PEAK1: variants seen among roughly 807,000 people sequenced by gnomAD.
PEAK1 encodes inactive tyrosine-protein kinase PEAK1.
A neutral mutation model predicts 124.7 loss-of-function variants in PEAK1; 54 were observed. The observed-to-expected ratio is 0.43, with a 90% CI of 0.35 to 0.54. The LOEUF is 0.54. Ranked by LOEUF, PEAK1 falls within the 20% of genes least tolerant of loss-of-function variation. PEAK1 has a pLI of 0.01. For missense variants in PEAK1, 2,046 were observed against 2,134.5 expected (o/e 0.96, Z 0.82); for synonymous variants, 719 against 760.0 (o/e 0.95, Z 0.89).
Position 77,348,093 on chromosome 15 carries a change from A to G in PEAK1, c.-603+17070T>C, listed in dbSNP as rs571843919. 2.3e-5 allele frequency: 23 copies of G among 985,188 alleles called. No homozygotes were observed. In the African/African-American group the frequency reaches 4.0e-4, roughly 17 times the overall value. 61.0% of individuals were successfully genotyped at this position (985,188 alleles called of 1,614,324 possible). A position where few individuals can be genotyped will look rare whatever the true frequency, so the allele number is the denominator to read the frequency against. ...CATTTTGGTCAGACATTATTCATCT[A>G]GAGAAAAAAAGAAAGAAACAACAAT... On this transcript the variant is annotated intron_variant, in intron 2 of 9. Transcript: ENST00000682557.
At chr15:77,264,734 CACAG>C (rs2061625055) in intron 5 of PEAK1, among the ~76,000 whole-genome samples, 4 of 151,996 alleles carry the variant, frequency 2.6e-5, no homozygotes, top group Admixed American at 2.6e-4. Context: ...TGACTTTCTT[CACAG>C]AATTGGAAAA....
intron 1 of PEAK1, among the ~76,000 whole-genome samples, chr15:77,407,865 C>T (rs1053648142): frequency 6.7e-6 from 1 of 150,020 alleles, no homozygotes; most frequent in Non-Finnish European, 1.5e-5. Context: ...GCTCAAATGC[C>T]CGAGTAGATA....
intron 2 of PEAK1, among the ~76,000 whole-genome samples, chr15:77,357,942 T>C (rs1468219112): frequency 6.6e-6 from 1 of 152,186 alleles, no homozygotes; most frequent in Non-Finnish European, 1.5e-5. Context: ...CTCAGTCCTG[T>C]TGCCTTTTCC....
At chr15:77,373,209 C>A (rs1188808761) in intron 1 of PEAK1, among the ~76,000 whole-genome samples, 1 of 152,090 alleles carries the variant, frequency 6.6e-6, no homozygotes, top group Non-Finnish European at 1.5e-5. Context: ...CTCTTATGCC[C>A]CTATGCCTTT....
intron 2 of PEAK1, chr15:77,333,416 T>C (rs1308506764): frequency 4.1e-6 from 4 of 970,740 alleles, no homozygotes; most frequent in South Asian, 4.8e-5. Flanking sequence ...AGTCTGGGTA[T>C]TTTTTCTTCT....
intron 7 of PEAK1, among the ~76,000 whole-genome samples, chr15:77,162,757 A>G (rs2055771562): frequency 6.6e-6 from 1 of 152,188 alleles, no homozygotes; most frequent in African/African-American, 2.4e-5. Context: ...GATGGCATCA[A>G]GAAAGAGTTA....
At chr15:77,418,297 G>A (rs1022290358) in intron 1 of PEAK1, 2 of 985,086 alleles carry the variant, frequency 2.0e-6, no homozygotes, top group Admixed American at 6.2e-5. Context: ...GGGTAGTGAG[G>A]GAAAAGAAGG....
intron 2 of PEAK1, among the ~76,000 whole-genome samples, chr15:77,288,943 AAAAG>A (rs1429249479): frequency 6.6e-6 from 1 of 152,106 alleles, no homozygotes. Context: ...AAAAAAAAAA[AAAAG>A]TATTCGAATG....
At position 77,180,733 on chromosome 15, in the gene PEAK1, ATCTTTATC is replaced by A. The variant is rs1231479358; in HGVS notation, c.1186_1193del (p.Asp396PhefsTer35). 6.2e-7 allele frequency: 1 copy of A among 1,614,002 alleles called. No homozygotes were observed. The stretch of plus-strand genomic sequence containing the variant: ...TTGAGCTTTTGGAAGCCTGTGATGA[ATCTTTATC>A]CTGATTATTACTAGAGGGACTTTCA... On this transcript the variant is annotated frameshift_variant, in exon 7 of 10. Transcript: ENST00000682557. LOFTEE classifies it high-confidence loss of function.
At chr15:77,263,840 T>C (rs546210122) in intron 5 of PEAK1, among the ~76,000 whole-genome samples, 1 of 152,218 alleles carries the variant, frequency 6.6e-6, no homozygotes, top group Admixed American at 6.5e-5. Flanking sequence ...CTGATGAACA[T>C]CGATGCAAAA....
At chr15:77,384,570 T>A (rs904697337) in intron 1 of PEAK1, among the ~76,000 whole-genome samples, 6 of 152,228 alleles carry the variant, frequency 3.9e-5, no homozygotes, top group Non-Finnish European at 7.3e-5. Context: ...AGCAAAATTA[T>A]GCCATTTTGG....
intron 6 of PEAK1, among the ~76,000 whole-genome samples, chr15:77,182,717 T>G (rs1476511775): frequency 1.6e-5 from 2 of 125,734 alleles, no homozygotes; most frequent in South Asian, 2.5e-4. Flanking sequence ...GCCACAGTAC[T>G]TCAGCCTGGG....
At chr15:77,337,016 T>C (rs1030474619) in intron 2 of PEAK1, 29 of 629,768 alleles carry the variant, frequency 4.6e-5, no homozygotes, top group Non-Finnish European at 5.5e-5. Flanking sequence ...TCCAAAGACA[T>C]AAATTAACTA....
chr15:77,309,402 T>A (rs2064299496), intron 2 of PEAK1, among the ~76,000 whole-genome samples: 1 of 152,038 alleles, frequency 6.6e-6, no homozygotes, highest in Non-Finnish European at 1.5e-5. Flanking sequence ...AGTTTTATAA[T>A]TAATGACAGA....
intron 5 of PEAK1, among the ~76,000 whole-genome samples, chr15:77,272,133 C>T (rs1398594398): frequency 6.6e-6 from 1 of 152,082 alleles, no homozygotes; most frequent in Non-Finnish European, 1.5e-5. Context: ...ACAGGAAATT[C>T]ATAGCATTAA....
intron 6 of PEAK1, among the ~76,000 whole-genome samples, chr15:77,247,997 T>C (rs1567163663): frequency 6.6e-6 from 1 of 152,232 alleles, no homozygotes; most frequent in South Asian, 2.1e-4. Flanking sequence ...TGTTAAATCT[T>C]CTTTTATTTC....
In PEAK1 at chr15:77,114,301, C is replaced by T. The variant is rs770347223; in HGVS notation, c.5096G>A (p.Arg1699Gln). Residue 1699 changes from arginine to glutamine, a missense_variant, in exon 10 of 10, where the codon CGA becomes CAA. Transcript: ENST00000682557. ...AGCAAACTTGATCATGAGCAGTGTT[C>T]GCTTGATGTCTAGCCAGTTTTGGAG... ...TLLQNWLDIKRTLLMIKFAEK... is the reference protein window; with the variant it reads ...TLLQNWLDIKQTLLMIKFAEK... 1.3e-5 allele frequency: 21 copies of T among 1,614,208 alleles called. No individual in the cohort carries two copies. The Middle Eastern group carries it at 6.6e-4, about 51-fold the overall frequency.
intron 6 of PEAK1, among the ~76,000 whole-genome samples, chr15:77,234,030 T>C (rs761667215): frequency 1.3e-5 from 2 of 152,142 alleles, no homozygotes; most frequent in Non-Finnish European, 2.9e-5. Flanking sequence ...TGTACCTGGC[T>C]AATTTTTAAA....
intron 1 of PEAK1, among the ~76,000 whole-genome samples, chr15:77,396,648 T>G (rs1185744935): frequency 6.6e-6 from 1 of 151,972 alleles, no homozygotes; most frequent in African/African-American, 2.4e-5. Context: ...TGAGACAAAA[T>G]AGATTTCAAG....
Sources: gnomAD v4.1 joint callset for allele counts (sites outside exome capture counted in the v4.1 genomes callset) on GRCh38, gnomAD v4.1.1 for gene constraint, MANE v1.5 for transcripts, NCBI Gene and HGNC (gene_info 2026-07-23, HGNC 2026-07-21) for gene names.